CSGALNACT1: variants seen among roughly 807,000 people sequenced by gnomAD.
CSGALNACT1 encodes the protein beta4GalNAcT-1.
A neutral mutation model predicts 51.0 loss-of-function variants in CSGALNACT1; 52 were observed. The observed-to-expected ratio is 1.02, with a 90% CI of 0.82 to 1.29. The LOEUF (loss-of-function observed/expected upper bound fraction) is 1.29, where lower values mean the gene tolerates loss of function less well. Among genes scored for constraint, CSGALNACT1 ranks in the 50% most tolerant of loss-of-function variants. The pLI is 0.00. For synonymous variants in CSGALNACT1, 341 were observed against 254.4 expected (o/e 1.34, Z -3.24); for missense variants, 935 against 679.2 (o/e 1.38, Z -4.19).
chr8:19,516,952 T>C (rs1467823681), intron 3 of CSGALNACT1, among the ~76,000 whole-genome samples: 2 of 152,174 alleles, frequency 1.3e-5, no homozygotes, highest in Non-Finnish European at 2.9e-5. Flanking sequence ...TTTCCTGTTC[T>C]CCATTCCCTA....
chr8:19,574,912 G>A (rs536113893), intron 3 of CSGALNACT1, among the ~76,000 whole-genome samples: 88 of 152,162 alleles, frequency 5.8e-4, no homozygotes, highest in Non-Finnish European at 1.1e-3. Flanking sequence ...GCGGGTACCT[G>A]TAGTCTCAGC....
intron 6 of CSGALNACT1, among the ~76,000 whole-genome samples, chr8:19,435,034 C>T (rs1231615094): frequency 1.3e-5 from 2 of 152,076 alleles, no homozygotes; most frequent in Admixed American, 6.6e-5. Flanking sequence ...CTCCTAGCAT[C>T]ACATACACTC....
intron 3 of CSGALNACT1, among the ~76,000 whole-genome samples, chr8:19,575,092 C>A (rs921087857): frequency 1.3e-5 from 2 of 152,032 alleles, no homozygotes; most frequent in African/African-American, 2.4e-5. Context: ...AGCTGTGGGA[C>A]TGGTTCTCAA....
intron 4 of CSGALNACT1, among the ~76,000 whole-genome samples, chr8:19,484,589 T>A (rs1262333792): frequency 1.3e-5 from 2 of 151,764 alleles, no homozygotes; most frequent in African/African-American, 4.8e-5. Flanking sequence ...ATTTCAGGAG[T>A]CAAGTTGCCT....
chr8:19,632,618 T>C (rs1311591872), intron 1 of CSGALNACT1, among the ~76,000 whole-genome samples: 3 of 152,222 alleles, frequency 2.0e-5, no homozygotes, highest in Non-Finnish European at 4.4e-5. Context: ...ATCCCTGTAT[T>C]TCATATGGCA....
At chr8:19,667,020 G>GAAAAGAAAGA (rs1564386482) in intron 1 of CSGALNACT1, among the ~76,000 whole-genome samples, 17 of 27,288 alleles carry the variant, frequency 6.2e-4, no homozygotes, top group South Asian at 1.3e-3. Context: ...AGAAAGAAAG[G>GAAAAGAAAGA]AAGGAAGGAA....
At chr8:19,461,605 G>C (rs1456782757) in intron 4 of CSGALNACT1, among the ~76,000 whole-genome samples, 2 of 87,140 alleles carry the variant, frequency 2.3e-5, no homozygotes, top group African/African-American at 8.2e-5. Flanking sequence ...CCGCACAGCG[G>C]CCACATTCAC....
chr8:19,505,738 C>A lies in CSGALNACT1; in HGVS notation c.97G>T (p.Ala33Ser), dbSNP rs1435270879. 4 of 1,614,180 alleles carry A rather than the reference C, an allele frequency of 2.5e-6. No homozygotes were observed. The South Asian group carries it at 4.4e-5, about 18-fold the overall frequency. The change falls in exon 4 of 10, where the codon GCC becomes TCC. Residue 33 changes from alanine to serine, a missense_variant. Coordinates refer to ENST00000454498, the Ensembl canonical transcript of CSGALNACT1. ...TCCTCGTCACCTTTTGGGGTGCAGG[C>A]CAACATGTACAGGACAGAGATAGCA...
intron 1 of CSGALNACT1, among the ~76,000 whole-genome samples, chr8:19,720,850 G>T (rs2063085622): frequency 6.6e-6 from 1 of 152,192 alleles, no homozygotes; most frequent in South Asian, 2.1e-4. Context: ...TCACAACGAA[G>T]CCCCTGATGA....
At chr8:19,743,468 G>A (rs1013674766) in intron 1 of CSGALNACT1, among the ~76,000 whole-genome samples, 6 of 152,200 alleles carry the variant, frequency 3.9e-5, no homozygotes, top group African/African-American at 1.4e-4. Context: ...AGATACTAGA[G>A]TGAGTCATAA....
intron 4 of CSGALNACT1, among the ~76,000 whole-genome samples, chr8:19,498,971 C>T (rs2075960696): frequency 6.6e-6 from 1 of 152,112 alleles, no homozygotes; most frequent in African/African-American, 2.4e-5. Flanking sequence ...AAAAAATTGG[C>T]TGGACATGGT....
At chr8:19,455,108 G>A (rs1482345784) in intron 5 of CSGALNACT1, among the ~76,000 whole-genome samples, 2 of 152,158 alleles carry the variant, frequency 1.3e-5, no homozygotes, top group Admixed American at 1.3e-4. Context: ...GTTAATTCTA[G>A]GAGGTGAGAC....
At chr8:19,682,523 C>A (rs533101152) in exon 1 of CSGALNACT1, 10 of 410,376 alleles carry the variant, frequency 2.4e-5, no homozygotes, top group South Asian at 1.6e-4. Context: ...TGCCCGGGGA[C>A]GTATGGTCTT....
chr8:19,615,295 T>A (rs890212308), intron 1 of CSGALNACT1, among the ~76,000 whole-genome samples: 1 of 152,154 alleles, frequency 6.6e-6, no homozygotes, highest in African/African-American at 2.4e-5. Context: ...AAAGTGAGAC[T>A]CCATCTCCAT....
At chr8:19,629,298 A>G (rs903142215) in intron 1 of CSGALNACT1, among the ~76,000 whole-genome samples, 1 of 152,244 alleles carries the variant, frequency 6.6e-6, no homozygotes, top group African/African-American at 2.4e-5. Flanking sequence ...TTCAAGAAGG[A>G]AAAAACAAAA....
chr8:19,516,231 T>G (rs890022910), intron 3 of CSGALNACT1, among the ~76,000 whole-genome samples: 6 of 152,152 alleles, frequency 3.9e-5, no homozygotes, highest in Admixed American at 3.9e-4. Context: ...GAGCTACATC[T>G]TATTAACCCC....
chr8:19,408,566 T>C (rs754519809), intron 9 of CSGALNACT1, 47 bp downstream of exon 8: 1 of 1,414,536 alleles, frequency 7.1e-7, no homozygotes, highest in African/African-American at 1.5e-5. Context: ...AAGGCCTACA[T>C]GGGCCCGTGG....
At chr8:19,550,235 C>A (rs2154081337) in intron 3 of CSGALNACT1, among the ~76,000 whole-genome samples, 1 of 152,266 alleles carries the variant, frequency 6.6e-6, no homozygotes, top group African/African-American at 2.4e-5. Flanking sequence ...ATTCTCCCAC[C>A]TCAGCTTCTC....
intron 1 of CSGALNACT1, among the ~76,000 whole-genome samples, chr8:19,662,743 C>CA (rs1261009163): frequency 6.6e-6 from 1 of 152,078 alleles, no homozygotes; most frequent in African/African-American, 2.4e-5. Context: ...AACAGTGGTC[C>CA]ACACTGGTAA....
Sources: gnomAD v4.1 joint callset for allele counts (sites outside exome capture counted in the v4.1 genomes callset) on GRCh38, gnomAD v4.1.1 for gene constraint, MANE v1.5 for transcripts, NCBI Gene and HGNC (gene_info 2026-07-23, HGNC 2026-07-21) for gene names.